The following MYOCD variants were observed in gnomAD, a reference collection of about 807,000 sequenced individuals.
The protein encoded by MYOCD is myocardin.
Under a neutral mutation model 96.1 loss-of-function variants are expected in MYOCD, and 32 were observed. The ratio of observed to expected loss-of-function variants is 0.33; its 90% confidence interval spans 0.25 to 0.45. MYOCD has a LOEUF of 0.45. Among genes scored for constraint, MYOCD ranks in the 20% least tolerant of loss-of-function variants. The pLI is 1.00. For synonymous variants in MYOCD, 469 were observed against 469.0 expected (o/e 1.00, Z 0.00); for missense variants, 1,133 against 1,200.6 (o/e 0.94, Z 0.83).
Position 12,764,254 on chromosome 17 carries a change from G to C in MYOCD, c.*610G>C, listed in dbSNP as rs1333436085. On this transcript the variant is annotated 3_prime_UTR_variant, in exon 14 of 14. Coordinates refer to ENST00000425538, the MANE Select transcript of MYOCD (RefSeq NM_001146312.3). ...TACCACAAAACTGCCCTGCTGGAGT[G>C]GTTCTGAACCTGTACCCAGGACTCG... is the stretch of plus-strand genomic sequence containing the variant. The C allele has an allele frequency of 6.6e-6, 1 of 152,336 alleles. No individual in the cohort carries two copies. The highest frequency in any genetic ancestry group is 2.4e-5 in the African/African-American group (1 of 41,442). The allele number at this position is 152,336 out of a possible 1,614,324, so 9.4% of individuals were successfully genotyped here. A position where few individuals can be genotyped will look rare whatever the true frequency, so the allele number is the denominator to read the frequency against.
chr17:12,760,579 G>A (rs2033141796), intron 12 of MYOCD, 71 bp from the exon 13 acceptor site: 1 of 1,296,698 alleles, frequency 7.7e-7, no homozygotes, highest in African/African-American at 1.5e-5. Flanking sequence ...TTGCAGTGCT[G>A]CTTCTAATGA....
intron 1 of MYOCD, among the ~76,000 whole-genome samples, chr17:12,689,444 A>C (rs1174978968): frequency 6.6e-6 from 1 of 152,250 alleles, no homozygotes; most frequent in East Asian, 1.9e-4. Context: ...GAAAAAGTAG[A>C]GACAGATTTG....
intron 13 of MYOCD, 149 bp downstream of exon 13, chr17:12,760,856 A>C: frequency 4.5e-6 from 3 of 670,546 alleles, no homozygotes; most frequent in Non-Finnish European, 8.1e-6. Flanking sequence ...AGCTTCTCGC[A>C]CATTTTTAGA....
chr17:12,689,469 T>C (rs114931840), intron 1 of MYOCD, among the ~76,000 whole-genome samples: 3,334 of 152,316 alleles, frequency 0.022, 121 homozygotes, highest in African/African-American at 0.076. Flanking sequence ...TATGTAAGCA[T>C]ATATTATATG....
chr17:12,760,798 T>C, intron 13 of MYOCD, 91 bp downstream of exon 13: 1 of 1,052,710 alleles, frequency 9.5e-7, no homozygotes, highest in Non-Finnish European at 1.5e-6. Context: ...AGATGCACAC[T>C]GTGAGTTGGA....
intron 4 of MYOCD, among the ~76,000 whole-genome samples, chr17:12,717,761 A>G (rs1211361014): frequency 6.6e-6 from 1 of 152,206 alleles, no homozygotes; most frequent in Non-Finnish European, 1.5e-5. Flanking sequence ...CTCACTTTGG[A>G]AGAGGATCAC....
chr17:12,695,461 C>A (rs2030700140), intron 1 of MYOCD, among the ~76,000 whole-genome samples: 2 of 152,174 alleles, frequency 1.3e-5, no homozygotes, highest in South Asian at 4.1e-4. Context: ...AAGACCAGAG[C>A]AGATAAATAT....
intron 9 of MYOCD, 24 bp from the exon 10 acceptor site, chr17:12,752,390 C>T (rs2032874599): frequency 6.4e-7 from 1 of 1,574,720 alleles, no homozygotes; most frequent in African/African-American, 1.4e-5. Flanking sequence ...AAACAGCACA[C>T]TAACCACATT....
At chr17:12,702,784 A>G (rs903820346) in intron 1 of MYOCD, among the ~76,000 whole-genome samples, 2 of 152,002 alleles carry the variant, frequency 1.3e-5, no homozygotes, top group Non-Finnish European at 2.9e-5. Flanking sequence ...CTACATGTGA[A>G]GTATAGAAAT....
intron 4 of MYOCD, among the ~76,000 whole-genome samples, chr17:12,719,454 A>G (rs763054124): frequency 2.6e-5 from 4 of 151,990 alleles, no homozygotes; most frequent in African/African-American, 4.8e-5. Context: ...TTATCGTGGA[A>G]TTACTTTAGA....
intron 1 of MYOCD, among the ~76,000 whole-genome samples, chr17:12,686,365 G>C (rs574156198): frequency 9.5e-4 from 144 of 152,306 alleles, no homozygotes; most frequent in African/African-American, 2.4e-3. Flanking sequence ...TCTTCTCCCA[G>C]GCTCTTATGT....
chr17:12,710,545 C>CCCTGAAT (rs1372366081), intron 2 of MYOCD: 1 of 982,848 alleles, frequency 1.0e-6, no homozygotes, highest in African/African-American at 1.8e-5. Context: ...CTTGGTAAAT[C>CCCTGAAT]CCTGAATTTT....
intron 5 of MYOCD, among the ~76,000 whole-genome samples, chr17:12,730,190 G>A (rs1378321667): frequency 6.6e-6 from 1 of 152,054 alleles, no homozygotes; most frequent in East Asian, 1.9e-4. Flanking sequence ...GCTCATGCCT[G>A]CAATCCCAGC....
intron 9 of MYOCD, among the ~76,000 whole-genome samples, chr17:12,750,895 AT>A (rs372042454): frequency 1.1e-3 from 172 of 152,158 alleles, no homozygotes; most frequent in African/African-American, 3.9e-3. Context: ...GCTCATTTTT[AT>A]ACTGGGTATC....
chr17:12,697,021 TG>T (rs2030784708), intron 1 of MYOCD, among the ~76,000 whole-genome samples: 1 of 152,056 alleles, frequency 6.6e-6, no homozygotes, highest in Non-Finnish European at 1.5e-5. Context: ...CTGGATTTGC[TG>T]CTACCACTCG....
chr17:12,765,044 A>G lies in MYOCD; in HGVS notation c.*1400A>G, dbSNP rs2286390. 0.9 allele frequency: 137,448 copies of G among 152,212 alleles called. 62,624 individuals carry two copies. The highest frequency in any genetic ancestry group is 0.97 in the Non-Finnish European group (65,773 of 68,040). 9.4% of individuals were successfully genotyped at this position (152,212 alleles called of 1,614,324 possible). A position where few individuals can be genotyped will look rare whatever the true frequency, so the allele number is the denominator to read the frequency against. On this transcript the variant is annotated 3_prime_UTR_variant, in exon 14 of 14. Coordinates refer to ENST00000425538, the MANE Select transcript of MYOCD (RefSeq NM_001146312.3). Reference sequence around the variant, plus strand: ...AAGACAAATATGGATGATATTTACAAGAGAGAATTTCAGATCTGGGTTTTT... The same window carrying G: ...AAGACAAATATGGATGATATTTACAGGAGAGAATTTCAGATCTGGGTTTTT...
intron 7 of MYOCD, among the ~76,000 whole-genome samples, chr17:12,743,585 T>C (rs1193409244): frequency 1.3e-5 from 2 of 148,616 alleles, no homozygotes; most frequent in African/African-American, 2.5e-5. Context: ...CTCTGCCTCC[T>C]GGGTTCAAGC....
At chr17:12,731,610 G>A (rs1239324120) in intron 5 of MYOCD, among the ~76,000 whole-genome samples, 4 of 152,048 alleles carry the variant, frequency 2.6e-5, no homozygotes, top group South Asian at 2.1e-4. Context: ...CCTAATCCTC[G>A]AAACCCTGAA....
chr17:12,739,159 C>T (rs2032432062), intron 6 of MYOCD, 44 bp from the exon 7 acceptor site: 3 of 1,575,266 alleles, frequency 1.9e-6, no homozygotes, highest in Non-Finnish European at 2.6e-6. Context: ...TGTCACACAA[C>T]TTATTCCTGT....
Sources: allele counts gnomAD v4.1 joint callset (sites outside exome capture counted in the v4.1 genomes callset), GRCh38; gene constraint gnomAD v4.1.1; transcripts MANE v1.5; gene names NCBI Gene and HGNC (gene_info 2026-07-23, HGNC 2026-07-21).